Variants in MAP6D1 observed in about 807,000 individuals in gnomAD.
The protein encoded by MAP6D1 is MAP6 domain-containing protein 1.
MAP6D1 carries 13 observed loss-of-function variants against 17.4 expected under a neutral mutation model. The observed-to-expected ratio is 0.75, with a 90% CI of 0.49 to 1.19. The LOEUF (loss-of-function observed/expected upper bound fraction) is 1.19. MAP6D1 is among the 50% of genes most tolerant of loss of function. The pLI is 0.00. For synonymous variants in MAP6D1, 141 were observed against 145.7 expected (o/e 0.97, Z 0.23); for missense variants, 313 against 312.6 (o/e 1.00, Z -0.01).
At chr3:183,822,786 A>G (rs1019063438) in intron 1 of MAP6D1, among the ~76,000 whole-genome samples, 2 of 152,208 alleles carry the variant, frequency 1.3e-5, no homozygotes, top group African/African-American at 4.8e-5. Flanking sequence ...TGAATAGCGG[A>G]GAGTCTGGAA....
chr3:183,825,341 G>C lies in MAP6D1; in HGVS notation c.207C>G (p.Tyr69Ter), dbSNP rs1448397991. The C allele has an allele frequency of 1.4e-5, 20 of 1,432,342 alleles. No homozygotes were observed. Among genetic ancestry groups the C allele is most frequent in the Non-Finnish European group, 1.8e-5 (20 of 1,093,294 alleles). The allele number at this position is 1,432,342 out of a possible 1,614,324, so 88.7% of individuals were successfully genotyped here. A position where few individuals can be genotyped will look rare whatever the true frequency, so the allele number is the denominator to read the frequency against. Residue 69 changes from tyrosine to a stop codon, truncating the protein, a stop_gained, in exon 1 of 3, where the codon TAC (tyrosine) becomes TAG (stop). Coordinates refer to ENST00000318631, the MANE Select transcript of MAP6D1 (RefSeq NM_024871.4). LOFTEE classifies it high-confidence loss of function. ...TGGTCCACAAGCCGAAGTCCCGCTGGTACTGAGTGAGCGGCACGTCCCGGC... is the reference window on the plus strand; with the variant it reads ...TGGTCCACAAGCCGAAGTCCCGCTGCTACTGAGTGAGCGGCACGTCCCGGC... ...DSGRDVPLTQ[Y>*]QRDFGLWTTP... is the part of the protein sequence containing the mutation.
intron 1 of MAP6D1, among the ~76,000 whole-genome samples, chr3:183,819,345 C>T (rs1376605128): frequency 6.6e-6 from 1 of 152,266 alleles, no homozygotes; most frequent in Non-Finnish European, 1.5e-5. Flanking sequence ...CTCTGTTCCT[C>T]CTGCGGAAGC....
chr3:183,822,587 AAG>A (rs1310082778), intron 1 of MAP6D1, among the ~76,000 whole-genome samples: 1 of 152,224 alleles, frequency 6.6e-6, no homozygotes, highest in Non-Finnish European at 1.5e-5. Flanking sequence ...TCAAGACACA[AAG>A]AACATTCCAT....
Position 183,817,413 on chromosome 3 carries a change from G to C in MAP6D1, c.543C>G (p.Phe181Leu). 1 of 1,567,956 alleles carries C rather than the reference G, an allele frequency of 6.4e-7. No individual in the cohort carries two copies. The highest frequency in any genetic ancestry group is 1.2e-5 in the South Asian group (1 of 85,038). Reference protein sequence around the residue: ...GFQVPEVRKKFTPNPSAIFQA... With the variant: ...GFQVPEVRKKLTPNPSAIFQA... ...GAAAGATGGCGGAGGGGTTAGGAGT[G>C]AACTTCTTCCTCACCTCTGGGACCT... The change falls in exon 3 of 3, where the codon TTC becomes TTG. Residue 181 changes from phenylalanine (F) to leucine (L), a missense_variant. Physicochemically the swap from Phe to Leu is conservative, Grantham distance 22. Transcript: ENST00000318631.
In MAP6D1 at chr3:183,818,024, T is replaced by G; in HGVS notation, c.489A>C (p.Gly163=). ...PARVITTHTS[G]WDSSPGAGFQ... is the part of the protein sequence containing the mutation. ...AGCCGGCCCCAGGGCTGCTGTCCCA[T>G]CCCGAAGTGTGGGTTGTGATGACTC... is the stretch of plus-strand genomic sequence containing the variant. Residue 163 remains glycine (G), a synonymous_variant, in exon 2 of 3, where the codon GGA becomes GGC. Coordinates refer to ENST00000318631, the MANE Select transcript of MAP6D1 (RefSeq NM_024871.4). 6.2e-7 allele frequency: 1 copy of G among 1,614,172 alleles called. No homozygotes were observed. The highest frequency in any genetic ancestry group is 8.5e-7 in the Non-Finnish European group (1 of 1,180,008).
At position 183,825,467 on chromosome 3, in the gene MAP6D1, C is replaced by G; in HGVS notation, c.81G>C (p.Pro27=). Residue 27 remains proline, a synonymous_variant, in exon 1 of 3, where the codon CCG becomes CCC. Transcript: ENST00000318631. ...NQLDRSDVAV[P]LTLHGYSDLD... ...GGTCCGAGTAGCCGTGCAGAGTGAG[C>G]GGCACCGCCACGTCGGAGCGGTCCA... The G allele has an allele frequency of 7.0e-7, 1 of 1,431,068 alleles. No individual in the cohort carries two copies. The highest frequency in any genetic ancestry group is 1.4e-5 in the South Asian group (1 of 71,916). The allele number at this position is 1,431,068 out of a possible 1,614,324, so 88.6% of individuals were successfully genotyped here.
At position 183,825,552 on chromosome 3, in the gene MAP6D1, G is replaced by A. The variant is rs1727380807; in HGVS notation, c.-5C>T. ...GCTGATACAGGGCCACGCCATGCCA[G>A]CCCCGGCGCCCGCCGCCCCGCTCCC... On this transcript the variant is annotated 5_prime_UTR_variant, in exon 1 of 3. Coordinates refer to ENST00000318631, the MANE Select transcript of MAP6D1 (RefSeq NM_024871.4). 8.2e-7 allele frequency: 1 copy of A among 1,213,066 alleles called. No individual in the cohort carries two copies. Among genetic ancestry groups the A allele is most frequent in the Non-Finnish European group, 1.0e-6 (1 of 977,570 alleles). 75.1% of individuals were successfully genotyped at this position (1,213,066 alleles called of 1,614,324 possible). A position where few individuals can be genotyped will look rare whatever the true frequency, so the allele number is the denominator to read the frequency against.
At chr3:183,823,623 A>C (rs755037203) in intron 1 of MAP6D1, among the ~76,000 whole-genome samples, 2 of 151,238 alleles carry the variant, frequency 1.3e-5, no homozygotes, top group African/African-American at 2.4e-5. Flanking sequence ...AATCAAAAAT[A>C]AAAATAAAAA....
chr3:183,820,695 C>T (rs1044033111), intron 1 of MAP6D1, among the ~76,000 whole-genome samples: 3 of 151,718 alleles, frequency 2.0e-5, no homozygotes, highest in Non-Finnish European at 2.9e-5. Context: ...ATCAGGAGAT[C>T]GAGACCATCC....
Position 183,817,378 on chromosome 3 carries a change from G to T in MAP6D1, c.578C>A (p.Ala193Asp). 1 of 1,570,248 alleles carries T rather than the reference G, an allele frequency of 6.4e-7. No individual in the cohort carries two copies. Among genetic ancestry groups the T allele is most frequent in the Admixed American group, 1.9e-5 (1 of 52,974 alleles). Residue 193 changes from alanine (A) to aspartate (D), a missense_variant, in exon 3 of 3, where the codon GCT becomes GAT. Coordinates refer to ENST00000318631, the MANE Select transcript of MAP6D1 (RefSeq NM_024871.4). ...PNPSAIFQAS[A>D]PRILNV ...CAGTCACACGTTGAGAATCCGGGGA[G>T]CTGAGGCCTGAAAGATGGCGGAGGG...
At chr3:183,819,437 C>T (rs753487072) in intron 1 of MAP6D1, among the ~76,000 whole-genome samples, 7 of 152,296 alleles carry the variant, frequency 4.6e-5, no homozygotes, top group Admixed American at 1.3e-4. Context: ...ATCCTGAGCC[C>T]GCTGCCCTGA....
chr3:183,825,353 C>G lies in MAP6D1; in HGVS notation c.195G>C (p.Pro65=). Residue 65 remains proline, a synonymous_variant, in exon 1 of 3, where the codon CCG becomes CCC. Transcript: ENST00000318631. ...CGAAGTCCCGCTGGTACTGAGTGAG[C>G]GGCACGTCCCGGCCGGAATCCCGGG... ...AGARDSGRDV[P]LTQYQRDFGL... 1 of 1,437,062 alleles carries G rather than the reference C, an allele frequency of 7.0e-7. No homozygotes were observed. 89.0% of individuals were successfully genotyped at this position (1,437,062 alleles called of 1,614,324 possible). A position where few individuals can be genotyped will look rare whatever the true frequency, so the allele number is the denominator to read the frequency against.
At chr3:183,825,075 C>T in intron 1 of MAP6D1, 72 bp downstream of exon 1, 2 of 1,281,766 alleles carry the variant, frequency 1.6e-6, no homozygotes, top group Non-Finnish European at 2.0e-6. Context: ...CCACCCCATC[C>T]CTCTGGCTCC....
At chr3:183,817,693 C>T (rs946473452) in intron 2 of MAP6D1, among the ~76,000 whole-genome samples, 4 of 152,136 alleles carry the variant, frequency 2.6e-5, no homozygotes, top group Admixed American at 6.6e-5. Context: ...TCCCTTCCAT[C>T]GTCTCTTTCC....
At chr3:183,818,250 C>G in intron 1 of MAP6D1, 139 bp from the exon 2 acceptor site, 1 of 716,966 alleles carries the variant, frequency 1.4e-6, no homozygotes, top group Admixed American at 2.3e-5. Flanking sequence ...CATCATCTTC[C>G]CAAAGACAGA....
At chr3:183,818,193 A>G in intron 1 of MAP6D1, 82 bp from the exon 2 acceptor site, 1 of 1,138,538 alleles carries the variant, frequency 8.8e-7, no homozygotes. Context: ...GCTCTGCCCC[A>G]TGCACGGCCC....
chr3:183,818,075 T>C lies in MAP6D1; in HGVS notation c.438A>G (p.Ser146=), dbSNP rs1225074711. Residue 146 remains serine, a synonymous_variant, in exon 2 of 3, where the codon TCA becomes TCG. Transcript: ENST00000318631. ...GGGCTGGTTTTGTCTTTGTGGATCT[T>C]GAGGGCTTCACTCCAGTCCAAGCCT... ...EFQAWTGVKP[S]RSTKTKPARV... 1 of 1,614,040 alleles carries C rather than the reference T, an allele frequency of 6.2e-7. No individual in the cohort carries two copies. The highest frequency in any genetic ancestry group is 1.3e-5 in the African/African-American group (1 of 74,916).
chr3:183,817,983 T>C lies in MAP6D1; in HGVS notation c.519+11A>G, dbSNP rs1384723370. 1 of 1,607,892 alleles carries C rather than the reference T, an allele frequency of 6.2e-7. No individual in the cohort carries two copies. The highest frequency in any genetic ancestry group is 1.3e-5 in the African/African-American group (1 of 74,922). ...ATACCCACACCCCTGCTACACCAGC[T>C]TCCGGCTGACCTGGAAGCCGGCCCC... On this transcript the variant is annotated intron_variant, in intron 2 of 2. Coordinates refer to ENST00000318631, the MANE Select transcript of MAP6D1 (RefSeq NM_024871.4).
chr3:183,820,175 C>T (rs2108562424), intron 1 of MAP6D1: 1 of 152,388 alleles, frequency 6.6e-6, no homozygotes, highest in South Asian at 2.1e-4. Flanking sequence ...GGTACTCCCT[C>T]AAGAACCTTG....
Sources: gnomAD v4.1 joint callset for allele counts (sites outside exome capture counted in the v4.1 genomes callset) on GRCh38, gnomAD v4.1.1 for gene constraint, MANE v1.5 for transcripts, NCBI Gene and HGNC (gene_info 2026-07-23, HGNC 2026-07-21) for gene names.